The following SUGT1 variants were observed in gnomAD, a reference collection of about 807,000 sequenced individuals.
The protein encoded by SUGT1 is SGT1 assembly cochaperone of MIS12 kinetochore complex, also known as protein SGT1 homolog.
A neutral mutation model predicts 56.1 loss-of-function variants in SUGT1; 15 were observed. That is an observed-to-expected ratio of 0.27 (90% CI 0.18 to 0.41). SUGT1 has a LOEUF of 0.41. SUGT1 is among the 10% of genes least tolerant of loss of function. SUGT1 has a pLI of 1.00. For synonymous variants in SUGT1, 123 were observed against 128.6 expected, an observed-to-expected ratio of 0.96 and a Z score of 0.30; for missense variants, 347 against 382.2, an observed-to-expected ratio of 0.91 and a Z score of 0.77.
chr13:52,656,403 T>C lies in SUGT1; in HGVS notation c.97-1129T>C, dbSNP rs78119451. On this transcript the variant is annotated intron_variant, in intron 2 of 12. Coordinates refer to ENST00000310528, the MANE Select transcript of SUGT1 (RefSeq NM_006704.5). ...ACATCCTTTTCTAGCCTAGACTTAA[T>C]GTAATAGTTTCCTAAGAAGTCTCCG... Among the ~76,000 whole-genome samples, 689 of 152,324 alleles carry C rather than the reference T, an allele frequency of 4.5e-3. 14 individuals carry two copies. Among genetic ancestry groups the C allele is most frequent in the Admixed American group, 0.033 (502 of 15,292 alleles).
At chr13:52,684,383 G>C (rs1963491441) in intron 12 of SUGT1, among the ~76,000 whole-genome samples, 1 of 150,452 alleles carries the variant, frequency 6.6e-6, no homozygotes. Context: ...TTCTTCCAAA[G>C]AATTAGCTCT....
At chr13:52,685,221 C>T (rs984912612) in intron 12 of SUGT1, among the ~76,000 whole-genome samples, 3 of 150,926 alleles carry the variant, frequency 2.0e-5, no homozygotes, top group African/African-American at 7.3e-5. Flanking sequence ...TGTGCACCAC[C>T]ACACCTGGCT....
chr13:52,654,830 G>A (rs562688160), intron 2 of SUGT1, among the ~76,000 whole-genome samples: 22 of 152,280 alleles, frequency 1.4e-4, no homozygotes, highest in Admixed American at 5.2e-4. Flanking sequence ...TAAGTACGGC[G>A]CAATTTATTC....
chr13:52,658,596 T>A, intron 4 of SUGT1, 128 bp downstream of exon 4: 1 of 791,280 alleles, frequency 1.3e-6, no homozygotes, highest in Non-Finnish European at 1.9e-6. Flanking sequence ...AGCAGAGATA[T>A]GATTCAATTT....
chr13:52,685,743 TG>T (rs1963560151), intron 12 of SUGT1, among the ~76,000 whole-genome samples: 1 of 152,212 alleles, frequency 6.6e-6, no homozygotes, highest in Admixed American at 6.5e-5. Context: ...AACTAGACTT[TG>T]TTCTCTATAA....
Position 52,699,253 on chromosome 13 carries a change from A to G in SUGT1, c.*11418A>G, listed in dbSNP as rs1345537982. On this transcript the variant is annotated 3_prime_UTR_variant, in exon 13 of 13. Coordinates refer to ENST00000310528, the MANE Select transcript of SUGT1 (RefSeq NM_006704.5). ...AATCCATATCACCGTATGACAGCAC[A>G]TGATGAAAGAAAATCAAATGTTTGT... The G allele has an allele frequency of 1.3e-5, 2 of 152,190 alleles. No individual in the cohort carries two copies. The highest frequency in any genetic ancestry group is 6.5e-5 in the Admixed American group (1 of 15,280). 9.4% of individuals were successfully genotyped at this position (152,190 alleles called of 1,614,324 possible).
intron 12 of SUGT1, among the ~76,000 whole-genome samples, chr13:52,683,056 G>A (rs535332583): frequency 2.0e-5 from 3 of 152,016 alleles, no homozygotes; most frequent in South Asian, 2.1e-4. Context: ...CTGCAGATAC[G>A]GAGAGTTTTA....
chr13:52,664,422 T>C (rs1244593520), intron 8 of SUGT1, among the ~76,000 whole-genome samples: 2 of 152,192 alleles, frequency 1.3e-5, no homozygotes, highest in East Asian at 3.9e-4. Context: ...TTGGAGCAAA[T>C]TTTTCATAGG....
chr13:52,660,422 C>T (rs934422482), intron 5 of SUGT1, among the ~76,000 whole-genome samples: 1 of 152,150 alleles, frequency 6.6e-6, no homozygotes, highest in Non-Finnish European at 1.5e-5. Flanking sequence ...ATGCCCAGGA[C>T]AGTTCTGCCT....
rs566497593 is a variant in SUGT1, at chr13:52,659,978, A to G, written c.328+729A>G. ...CGAGTAGCTGGGACTACAGGCGACCACCACCACGCCCGGCCAATTTTTTTG... is the reference window on the plus strand; with the variant it reads ...CGAGTAGCTGGGACTACAGGCGACCGCCACCACGCCCGGCCAATTTTTTTG... On this transcript the variant is annotated intron_variant, in intron 5 of 12. Transcript: ENST00000310528. 8.4e-4 allele frequency among the ~76,000 whole-genome samples: 127 copies of G among 150,868 alleles called. 6 individuals carry two copies. In the South Asian group the frequency reaches 0.024, roughly 29 times the overall value.
At chr13:52,653,211 C>G (rs1481571811) in intron 2 of SUGT1, 108 bp downstream of exon 2, 3 of 1,297,922 alleles carry the variant, frequency 2.3e-6, no homozygotes, top group African/African-American at 1.5e-5. Context: ...GACCCAGGCT[C>G]TTGTTGATGC....
At chr13:52,653,152 C>T (rs1449393969) in intron 2 of SUGT1, 49 bp downstream of exon 2, 1 of 1,610,146 alleles carries the variant, frequency 6.2e-7, no homozygotes, top group South Asian at 1.1e-5. Context: ...GGGAGCTGGG[C>T]CACTTCGGGT....
At chr13:52,684,480 G>A (rs1594257755) in intron 12 of SUGT1, among the ~76,000 whole-genome samples, 2 of 149,254 alleles carry the variant, frequency 1.3e-5, no homozygotes, top group South Asian at 2.1e-4. Context: ...GCTTTAAGGT[G>A]CATTTTGTTC....
intron 5 of SUGT1, among the ~76,000 whole-genome samples, 196 bp downstream of exon 5, chr13:52,659,445 A>G (rs999087063): frequency 1.3e-5 from 2 of 152,144 alleles, no homozygotes; most frequent in South Asian, 4.1e-4. Flanking sequence ...CATTTAAATC[A>G]TAGATGAACT....
In SUGT1 at chr13:52,690,066, GTGT is replaced by G. The variant is rs1963733107; in HGVS notation, c.*2235_*2237del. On this transcript the variant is annotated 3_prime_UTR_variant, in exon 13 of 13. Coordinates refer to ENST00000310528, the MANE Select transcript of SUGT1 (RefSeq NM_006704.5). Reference sequence around the variant, plus strand: ...CTTACCCATTGGCTAGATTTGCTAAGTGTTGTGGGATTTGGGATTTTGCTGGTC... The same window carrying G: ...CTTACCCATTGGCTAGATTTGCTAAGTGTGGGATTTGGGATTTTGCTGGTC... 1 of 152,098 alleles carries G rather than the reference GTGT, an allele frequency of 6.6e-6. No individual in the cohort carries two copies. Among genetic ancestry groups the G allele is most frequent in the Non-Finnish European group, 1.5e-5 (1 of 68,024 alleles). 9.4% of individuals were successfully genotyped at this position (152,098 alleles called of 1,614,324 possible).
chr13:52,684,394 T>C (rs983626969), intron 12 of SUGT1, among the ~76,000 whole-genome samples: 4 of 129,850 alleles, frequency 3.1e-5, no homozygotes, highest in African/African-American at 5.7e-5. Context: ...AATTAGCTCT[T>C]TGTTTCGTTT....
intron 11 of SUGT1, 36 bp from the exon 12 acceptor site, chr13:52,679,938 G>A (rs1156317425): frequency 2.6e-6 from 4 of 1,549,668 alleles, no homozygotes; most frequent in Admixed American, 4.5e-5. Flanking sequence ...ATTGAAACAT[G>A]TTGATTAATT....
chr13:52,667,452 C>T (rs773466870), intron 10 of SUGT1, among the ~76,000 whole-genome samples: 2 of 152,104 alleles, frequency 1.3e-5, no homozygotes, highest in Non-Finnish European at 2.9e-5. Flanking sequence ...CCAAGTGATT[C>T]TCCTGCTTCA....
rs766723136 is a variant in SUGT1, at chr13:52,657,619, T to A, written c.184T>A (p.Cys62Ser). 10 of 1,612,134 alleles carry A rather than the reference T, an allele frequency of 6.2e-6. 1 individual carries two copies. In the South Asian group the frequency reaches 1.1e-4, roughly 18 times the overall value. The change falls in exon 3 of 13, where the codon TGT becomes AGT. Residue 62 changes from cysteine (C) to serine (S), a missense_variant. Physicochemically the swap from Cys to Ser is moderately radical, Grantham distance 112 (BLOSUM62 -1). Coordinates refer to ENST00000310528, the MANE Select transcript of SUGT1 (RefSeq NM_006704.5). ...TTGTCACATTCTTCTTGGGAATTAC[T>A]GTGGTAACGTTTCTTATAAAGTATA... ...AYCHILLGNY[C>S]VAVADAKKSL...
Sources: gnomAD v4.1 joint callset for allele counts (sites outside exome capture counted in the v4.1 genomes callset) on GRCh38, gnomAD v4.1.1 for gene constraint, MANE v1.5 for transcripts, NCBI Gene and HGNC (gene_info 2026-07-23, HGNC 2026-07-21) for gene names.